Variants in SEM1 observed in about 807,000 individuals in gnomAD.
SEM1 encodes 26S proteasome complex subunit SEM1.
SEM1 carries 3 observed loss-of-function variants against 12.7 expected under a neutral mutation model. The observed-to-expected ratio is 0.24, with a 90% confidence interval of 0.11 to 0.61. The LOEUF (loss-of-function observed/expected upper bound fraction) is 0.61. Among genes scored for constraint, SEM1 ranks in the 20% least tolerant of loss-of-function variants. SEM1 has a pLI of 0.88. For synonymous variants in SEM1, 30 were observed against 27.8 expected (o/e 1.08, Z -0.25); for missense variants, 59 against 81.3 (o/e 0.73, Z 1.06).
chr7:96,486,439 T>G, intron 1 of SEM1: 2 of 1,531,442 alleles, frequency 1.3e-6, no homozygotes, highest in Non-Finnish European at 1.8e-6. Flanking sequence ...GTTGAAGGTA[T>G]TATCCTAGAC....
chr7:96,496,337 T>C, exon 1 of SEM1: 1 of 1,460,338 alleles, frequency 6.8e-7, no homozygotes, highest in Non-Finnish European at 9.2e-7. Flanking sequence ...GATGTATTTG[T>C]TTCTCTGTGT....
chr7:96,559,216 C>T (rs6465525), intron 2 of SEM1, among the ~76,000 whole-genome samples: 44,672 of 152,046 alleles, frequency 0.29, 6,594 homozygotes, highest in Middle Eastern at 0.34. Flanking sequence ...TCATATTTTT[C>T]CCATTTCTAT....
chr7:96,554,676 GC>G (rs1805420343), intron 2 of SEM1, among the ~76,000 whole-genome samples: 1 of 151,490 alleles, frequency 6.6e-6, no homozygotes, highest in East Asian at 2.0e-4. Flanking sequence ...TTGTGTCTCT[GC>G]CCGGCTTTGG....
chr7:96,525,307 C>T (rs1804416546), intron 2 of SEM1, among the ~76,000 whole-genome samples: 1 of 150,828 alleles, frequency 6.6e-6, no homozygotes, highest in African/African-American at 2.4e-5. Flanking sequence ...CTGCACCAGA[C>T]CTAAAGAATT....
upstream of SEM1, among the ~76,000 whole-genome samples, chr7:96,499,148 T>C (rs1398595912): frequency 6.6e-6 from 1 of 151,972 alleles, no homozygotes; most frequent in Non-Finnish European, 1.5e-5. Flanking sequence ...ATTAAAATAT[T>C]TCAGCTTCAC....
At chr7:96,494,333 T>C (rs967052960) in intron 1 of SEM1, among the ~76,000 whole-genome samples, 1 of 152,190 alleles carries the variant, frequency 6.6e-6, no homozygotes, top group African/African-American at 2.4e-5. Flanking sequence ...TTTGATTACA[T>C]GCAAACCCTA....
At chr7:96,541,077 T>C (rs901702484) in intron 2 of SEM1, among the ~76,000 whole-genome samples, 2 of 151,902 alleles carry the variant, frequency 1.3e-5, no homozygotes, top group South Asian at 4.1e-4. Context: ...GGTGGAATGA[T>C]TTATTTTCCT....
At chr7:96,555,344 C>T (rs1284807794) in intron 2 of SEM1, among the ~76,000 whole-genome samples, 5 of 151,374 alleles carry the variant, frequency 3.3e-5, no homozygotes, top group African/African-American at 1.2e-4. Flanking sequence ...GTAAATTTCC[C>T]TCTACACACT....
chr7:96,518,732 C>T (rs1043273100), intron 2 of SEM1, among the ~76,000 whole-genome samples: 9 of 152,114 alleles, frequency 5.9e-5, no homozygotes, highest in South Asian at 2.1e-4. Flanking sequence ...TATCTCTTTG[C>T]GAATTATTCA....
intron 1 of SEM1, among the ~76,000 whole-genome samples, chr7:96,705,349 G>C: frequency 9.5e-6 from 1 of 105,474 alleles, no homozygotes; most frequent in Admixed American, 1.2e-4. Context: ...TTCTAAAAAA[G>C]CTTCTCTCTC....
chr7:96,654,385 G>A (rs1356204966), intron 2 of SEM1, among the ~76,000 whole-genome samples: 1 of 152,196 alleles, frequency 6.6e-6, no homozygotes, highest in African/African-American at 2.4e-5. Flanking sequence ...TAAACAGATG[G>A]TCTCCAACTT....
At chr7:96,573,109 G>GTTTT (rs142630776) in intron 2 of SEM1, among the ~76,000 whole-genome samples, 1 of 135,962 alleles carries the variant, frequency 7.4e-6, no homozygotes, top group Non-Finnish European at 1.6e-5. Context: ...TGCAACCCCT[G>GTTTT]TTTTTTTTTT....
rs903767992 is a variant in SEM1, at chr7:96,709,818, C to G, written c.-55G>C. The G allele has an allele frequency of 2.6e-6, 4 of 1,565,532 alleles. No individual in the cohort carries two copies. The African/African-American group carries it at 4.1e-5, about 16-fold the overall frequency. On this transcript the variant is annotated 5_prime_UTR_variant, in exon 1 of 3. Transcript: ENST00000248566. Reference sequence around the variant, plus strand: ...ATAAGCAGAAAAGTTGGAACCCTCACTCTTCCTCAAGGAAACGCCACCGTC... The same window carrying G: ...ATAAGCAGAAAAGTTGGAACCCTCAGTCTTCCTCAAGGAAACGCCACCGTC...
chr7:96,515,681 G>A (rs989701519), intron 2 of SEM1, among the ~76,000 whole-genome samples: 7 of 152,130 alleles, frequency 4.6e-5, no homozygotes, highest in African/African-American at 1.4e-4. Context: ...ATACACCATG[G>A]AATACTATGC....
chr7:96,511,535 GGACT>G (rs765822418), intron 2 of SEM1, among the ~76,000 whole-genome samples: 1 of 151,976 alleles, frequency 6.6e-6, no homozygotes, highest in Non-Finnish European at 1.5e-5. Context: ...CACACCTATT[GGACT>G]GATGTATATA....
intron 2 of SEM1, among the ~76,000 whole-genome samples, chr7:96,692,253 CA>C (rs1411347651): frequency 6.6e-6 from 1 of 152,088 alleles, no homozygotes; most frequent in African/African-American, 2.4e-5. Flanking sequence ...AACAATGTAT[CA>C]ATCAGTTTTA....
downstream of SEM1, among the ~76,000 whole-genome samples, chr7:96,683,962 A>T (rs892448846): frequency 6.6e-6 from 1 of 152,080 alleles, no homozygotes; most frequent in African/African-American, 2.4e-5. Context: ...CCACAATGGC[A>T]CATGTATACC....
chr7:96,603,332 G>T (rs1459358606), intron 2 of SEM1, among the ~76,000 whole-genome samples: 1 of 152,044 alleles, frequency 6.6e-6, no homozygotes, highest in African/African-American at 2.4e-5. Context: ...TGTTCTTTAG[G>T]CTAGTTGAAA....
chr7:96,588,397 C>CACGAGA (rs1554421050), intron 2 of SEM1, among the ~76,000 whole-genome samples: 1 of 72,220 alleles, frequency 1.4e-5, no homozygotes, highest in African/African-American at 4.6e-5. Context: ...CACACACACA[C>CACGAGA]GAGAGAGAGA....
Sources: gnomAD v4.1 joint callset for allele counts (sites outside exome capture counted in the v4.1 genomes callset) on GRCh38, gnomAD v4.1.1 for gene constraint, MANE v1.5 for transcripts, NCBI Gene and HGNC (gene_info 2026-07-23, HGNC 2026-07-21) for gene names.